The following CEP128 variants were observed in gnomAD, a reference collection of about 807,000 sequenced individuals.
The protein encoded by CEP128 is centrosomal protein 128kDa.
CEP128 carries 132 observed loss-of-function variants against 156.7 expected under a neutral mutation model. The observed-to-expected ratio is 0.84, with a 90% CI of 0.73 to 0.97. The LOEUF is 0.97. Among genes scored for constraint, CEP128 ranks in the 50% least tolerant of loss-of-function variants. CEP128 has a pLI of 0.00. For synonymous variants in CEP128, 469 were observed against 448.9 expected (o/e 1.04, Z -0.57); for missense variants, 1,252 against 1,281.9 (o/e 0.98, Z 0.36).
At chr14:80,865,850 A>G (rs1887742398) in intron 8 of CEP128, among the ~76,000 whole-genome samples, 1 of 152,132 alleles carries the variant, frequency 6.6e-6, no homozygotes, top group Non-Finnish European at 1.5e-5. Flanking sequence ...AGTAACCTAC[A>G]GGGAACTGAA....
chr14:80,876,645 G>C (rs1201651648), intron 8 of CEP128, among the ~76,000 whole-genome samples: 1 of 147,930 alleles, frequency 6.8e-6, no homozygotes, highest in Non-Finnish European at 1.5e-5. Flanking sequence ...TTTCTCAATA[G>C]AAGCAATAAA....
chr14:80,948,403 G>A (rs10146516), intron 2 of CEP128, among the ~76,000 whole-genome samples: 65,534 of 152,026 alleles, frequency 0.43, 14,500 homozygotes, highest in Middle Eastern at 0.53. Flanking sequence ...TGCCAAGAGC[G>A]TCACAGATAT....
At chr14:80,763,382 G>C (rs543200995) in intron 16 of CEP128, among the ~76,000 whole-genome samples, 12 of 152,110 alleles carry the variant, frequency 7.9e-5, no homozygotes, top group Admixed American at 5.2e-4. Flanking sequence ...CCCAAGTCTT[G>C]CTCATATCTA....
intron 19 of CEP128, among the ~76,000 whole-genome samples, chr14:80,717,466 T>C (rs1335972576): frequency 6.6e-6 from 1 of 152,178 alleles, no homozygotes; most frequent in Non-Finnish European, 1.5e-5. Context: ...AAGCTGTAGC[T>C]GACTTAGAAC....
chr14:80,810,344 A>AAAAAAAAAAAAAAC, intron 13 of CEP128, among the ~76,000 whole-genome samples: 1 of 148,764 alleles, frequency 6.7e-6, no homozygotes, highest in African/African-American at 2.4e-5. Flanking sequence ...AAAAAAAAAA[A>AAAAAAAAAAAAAAC]AAAAGAATAT....
intron 19 of CEP128, among the ~76,000 whole-genome samples, chr14:80,596,842 A>AAAAAAAAAGG (rs1555379468): frequency 1.4e-5 from 1 of 69,832 alleles, no homozygotes; most frequent in African/African-American, 5.2e-5. Flanking sequence ...AAAAAAAAAA[A>AAAAAAAAAGG]GGTGGGGGGG....
intron 18 of CEP128, among the ~76,000 whole-genome samples, chr14:80,748,654 A>G (rs970421336): frequency 1.4e-4 from 21 of 152,178 alleles, no homozygotes; most frequent in African/African-American, 5.1e-4. Flanking sequence ...ATAACCCATA[A>G]TAGCCAAGTT....
chr14:80,875,671 AG>A (rs1440667933), intron 8 of CEP128, among the ~76,000 whole-genome samples: 1 of 152,242 alleles, frequency 6.6e-6, no homozygotes, highest in Non-Finnish European at 1.5e-5. Context: ...TGGGTTTAAT[AG>A]GCTTGCCTCA....
chr14:80,561,105 T>C (rs190412582), intron 20 of CEP128, among the ~76,000 whole-genome samples: 73 of 152,260 alleles, frequency 4.8e-4, no homozygotes, highest in South Asian at 8.3e-4. Flanking sequence ...GGCTCACTTA[T>C]AAAGACTTCT....
chr14:80,816,085 T>C (rs577642203), intron 13 of CEP128, among the ~76,000 whole-genome samples: 51 of 152,294 alleles, frequency 3.3e-4, no homozygotes, highest in African/African-American at 1.2e-3. Flanking sequence ...ACTACACTTA[T>C]ACCCCTTAAA....
At chr14:80,567,572 T>A (rs1360785884) in intron 20 of CEP128, among the ~76,000 whole-genome samples, 1 of 152,224 alleles carries the variant, frequency 6.6e-6, no homozygotes, top group African/African-American at 2.4e-5. Context: ...TCCTTTAAAA[T>A]AATCATTTCA....
chr14:80,916,274 G>T, intron 3 of CEP128, 127 bp downstream of exon 3: 1 of 740,508 alleles, frequency 1.4e-6, no homozygotes. Flanking sequence ...TAATAAATTT[G>T]TGTTGTTTTA....
At chr14:80,629,306 T>C (rs1451662533) in intron 19 of CEP128, among the ~76,000 whole-genome samples, 1 of 152,178 alleles carries the variant, frequency 6.6e-6, no homozygotes, top group African/African-American at 2.4e-5. Context: ...AGAATTTGTA[T>C]CTTGAAGAGT....
At chr14:80,595,944 C>T (rs1481807085) in intron 19 of CEP128, among the ~76,000 whole-genome samples, 2 of 151,642 alleles carry the variant, frequency 1.3e-5, no homozygotes, top group Admixed American at 1.3e-4. Context: ...GACCTGCCCC[C>T]ATGATTTAAT....
chr14:80,740,519 TAGATAGATAGATAGA>T (rs1898769374), intron 19 of CEP128, among the ~76,000 whole-genome samples: 1 of 138,180 alleles, frequency 7.2e-6, no homozygotes, highest in African/African-American at 2.5e-5. Context: ...GATAGATAGA[TAGATAGATAGATAGA>T]TAGATAGATA....
At chr14:80,775,948 C>A (rs1900766635) in intron 16 of CEP128, among the ~76,000 whole-genome samples, 1 of 152,214 alleles carries the variant, frequency 6.6e-6, no homozygotes, top group Admixed American at 6.5e-5. Flanking sequence ...ATTCTCCTGC[C>A]TCAGCCACCT....
In CEP128 at chr14:80,890,420, T is replaced by C. The variant is rs1208471786; in HGVS notation, c.645+5298A>G. The stretch of plus-strand genomic sequence containing the variant: ...GACTGGATAAAGAAAATGTGGCACA[T>C]ATACACCATGGAATACTATCCAGTC... On this transcript the variant is annotated intron_variant, in intron 8 of 24. Transcript: ENST00000555265. 2.6e-5 allele frequency among the ~76,000 whole-genome samples: 4 copies of C among 152,140 alleles called. 1 individual carries two copies. Among genetic ancestry groups the C allele is most frequent in the African/African-American group, 2.4e-5 (1 of 41,428 alleles).
chr14:80,675,891 G>A lies in CEP128; in HGVS notation c.2806+67184C>T, dbSNP rs752755996. On this transcript the variant is annotated intron_variant, in intron 19 of 24. Transcript: ENST00000555265. Reference sequence around the variant, plus strand: ...ATTTCAGGCTTTTACATCTATTCCTGTGTTGCCAGGATTGTTACTGAATTG... The same window carrying A: ...ATTTCAGGCTTTTACATCTATTCCTATGTTGCCAGGATTGTTACTGAATTG... Among the ~76,000 whole-genome samples, 110 of 151,994 alleles carry A rather than the reference G, an allele frequency of 7.2e-4. 1 individual carries two copies. Among genetic ancestry groups the A allele is most frequent in the Non-Finnish European group, 2.1e-4 (14 of 67,896 alleles).
intron 19 of CEP128, among the ~76,000 whole-genome samples, chr14:80,612,842 T>G (rs904592766): frequency 7.3e-5 from 11 of 151,074 alleles, no homozygotes; most frequent in African/African-American, 2.7e-4. Context: ...TGTTTTTTTG[T>G]TTTTGTTTTT....
Sources: gnomAD v4.1 joint callset for allele counts (sites outside exome capture counted in the v4.1 genomes callset) on GRCh38, gnomAD v4.1.1 for gene constraint, MANE v1.5 for transcripts, NCBI Gene and HGNC (gene_info 2026-07-23, HGNC 2026-07-21) for gene names.